The following CD163 variants were observed in gnomAD, a reference collection of about 807,000 sequenced individuals.
CD163 encodes scavenger receptor cysteine-rich type 1 protein M130.
CD163 carries 64 observed loss-of-function variants against 129.2 expected under a neutral mutation model. The observed-to-expected ratio is 0.50, with a 90% CI of 0.41 to 0.61. The LOEUF is 0.61. Ranked by LOEUF, CD163 falls within the 20% of genes least tolerant of loss-of-function variation. The pLI, the probability that CD163 is intolerant of heterozygous loss-of-function variation, is 0.00. For missense variants in CD163, 1,061 were observed against 1,377.9 expected (o/e 0.77, Z 3.64); for synonymous variants, 446 against 478.5 (o/e 0.93, Z 0.89).
At chr12:7,483,841 A>ATATATTTTTTTT (rs1442991429) in intron 11 of CD163, 166 bp from the exon 12 acceptor site, 2 of 110,030 alleles carry the variant, frequency 1.8e-5, no homozygotes, top group African/African-American at 7.6e-5. Flanking sequence ...ATATATATAT[A>ATATATTTTTTTT]TTTTTTTTTT....
At position 7,501,318 on chromosome 12, in the gene CD163, C is replaced by T; in HGVS notation, c.278G>A (p.Gly93Glu). ...AGGGGCTTTGATAGCAGTTGGACAT[C>T]CCAGCTGGTTACAAATCACAGAGAC... The part of the protein sequence containing the change: ...EAVSVICNQL[G>E]CPTAIKAPGW... Residue 93 changes from glycine to glutamate, a missense_variant, in exon 3 of 17, where the codon GGA becomes GAA. Physicochemically the swap from Gly to Glu is moderately conservative, Grantham distance 98. Coordinates refer to ENST00000432237, the MANE Select transcript of CD163 (RefSeq NM_203416.4). 1 of 1,614,154 alleles carries T rather than the reference C, an allele frequency of 6.2e-7. No individual in the cohort carries two copies. Among genetic ancestry groups the T allele is most frequent in the South Asian group, 1.1e-5 (1 of 91,086 alleles).
intron 2 of CD163, among the ~76,000 whole-genome samples, chr12:7,501,912 T>C (rs1190375469): frequency 6.6e-6 from 1 of 152,240 alleles, no homozygotes; most frequent in Non-Finnish European, 1.5e-5. Context: ...TTCATACGTA[T>C]ATGTAAAATA....
At chr12:7,476,942 C>G (rs1949096565) in intron 16 of CD163, among the ~76,000 whole-genome samples, 1 of 152,166 alleles carries the variant, frequency 6.6e-6, no homozygotes, top group Non-Finnish European at 1.5e-5. Flanking sequence ...TGAACAGACA[C>G]TTCTCAAAAG....
In CD163 at chr12:7,487,306, C is replaced by T; in HGVS notation, c.2050+53G>A. On this transcript the variant is annotated intron_variant, in intron 8 of 16. Coordinates refer to ENST00000432237, the MANE Select transcript of CD163 (RefSeq NM_203416.4). The surrounding 1 kb of genome is among the most constrained non-coding windows in gnomAD (Gnocchi z 5.1). ...CTGCGTTTTACTTTTGTTCTTCATC[C>T]CTATGTACACCTTCTCTTAAGACCC... 2 of 1,509,870 alleles carry T rather than the reference C, an allele frequency of 1.3e-6. No individual in the cohort carries two copies. The highest frequency in any genetic ancestry group is 4.5e-5 in the East Asian group (2 of 43,972). The allele number at this position is 1,509,870 out of a possible 1,614,324, so 93.5% of individuals were successfully genotyped here.
chr12:7,473,040 GAACA>G (rs1346169015), intron 16 of CD163: 1 of 152,124 alleles, frequency 6.6e-6, no homozygotes, highest in Non-Finnish European at 1.5e-5. Flanking sequence ...GAATGAAAAG[GAACA>G]AACAAAGCCT....
At chr12:7,493,909 T>C (rs1468830622) in intron 6 of CD163, among the ~76,000 whole-genome samples, 2 of 152,126 alleles carry the variant, frequency 1.3e-5, no homozygotes, top group Non-Finnish European at 2.9e-5. Context: ...AATAAATGAA[T>C]ACACACGGTA....
At chr12:7,497,588 A>T (rs1318622134) in intron 4 of CD163, among the ~76,000 whole-genome samples, 1 of 152,172 alleles carries the variant, frequency 6.6e-6, no homozygotes, top group Non-Finnish European at 1.5e-5. Flanking sequence ...TGTTGTGACC[A>T]CTTCCTTAGT....
rs754176183 is a variant in CD163 at position 7,496,772 on chromosome 12, T to C, written c.1099+41A>G. The C allele has an allele frequency of 6.3e-7, 1 of 1,580,706 alleles. No homozygotes were observed. Among genetic ancestry groups the C allele is most frequent in the African/African-American group, 1.3e-5 (1 of 74,242 alleles). On this transcript the variant is annotated intron_variant, in intron 5 of 16. Coordinates refer to ENST00000432237, the MANE Select transcript of CD163 (RefSeq NM_203416.4). The surrounding 1 kb of genome is among the most constrained non-coding windows in gnomAD (Gnocchi z 4.8). Reference sequence around the variant, plus strand: ...ACAGGACTTTCCGTTTCTGCTTTTCTTTTTGTTTAGTGTTTTGGTTTTGGT... The same window carrying C: ...ACAGGACTTTCCGTTTCTGCTTTTCCTTTTGTTTAGTGTTTTGGTTTTGGT...
Position 7,487,962 on chromosome 12 carries a change from A to G in CD163, c.1546T>C (p.Cys516Arg), listed in dbSNP as rs1262842078. The G allele has an allele frequency of 6.2e-7, 1 of 1,614,190 alleles. No individual in the cohort carries two copies. ...ACTGTGCCACACTGTAATTCCCTGC[A>G]TAGAACGCTGGCAGCTTCCAGAGAG... ...DFSLEAASVL[C>R]RELQCGTVVS... The change falls in exon 7 of 17, where the codon TGC becomes CGC. Residue 516 changes from cysteine (C) to arginine (R), a missense_variant. Coordinates refer to ENST00000432237, the MANE Select transcript of CD163 (RefSeq NM_203416.4). This position sits in a 1 kb window ranked among gnomAD's most constrained non-coding sequence, Gnocchi z 5.1.
At chr12:7,492,472 G>C (rs1311939006) in intron 6 of CD163, among the ~76,000 whole-genome samples, 1 of 152,030 alleles carries the variant, frequency 6.6e-6, no homozygotes, top group Non-Finnish European at 1.5e-5. Flanking sequence ...AAAAACCTAA[G>C]GAGTCTTACA....
rs1949412914 is a variant in CD163 at position 7,497,090 on chromosome 12, T to C, written c.822A>G (p.Glu274=). The C allele has an allele frequency of 2.5e-6, 4 of 1,613,968 alleles. No individual in the cohort carries two copies. Among genetic ancestry groups the C allele is most frequent in the East Asian group, 2.2e-5 (1 of 44,894 alleles). ...LSLRLVDGVT[E]CSGRLEVRFQ... ...ATCTCACTTCTAATCTTCCTGAACA[T>C]TCAGTGACTCCATCTACCAGTCTCA... Residue 274 remains glutamate, a synonymous_variant, in exon 5 of 17, where the codon GAA becomes GAG. Transcript: ENST00000432237.
At chr12:7,483,841 A>ATATTTT (rs1442991429) in intron 11 of CD163, 166 bp from the exon 12 acceptor site, 1 of 110,030 alleles carries the variant, frequency 9.1e-6, no homozygotes, top group African/African-American at 3.8e-5. Flanking sequence ...ATATATATAT[A>ATATTTT]TTTTTTTTTT....
chr12:7,495,499 G>T, intron 5 of CD163, 98 bp from the exon 6 acceptor site: 1 of 974,914 alleles, frequency 1.0e-6, no homozygotes, highest in Non-Finnish European at 1.5e-6. Context: ...CTGATGCATT[G>T]AAAATTATAG....
chr12:7,495,312 C>G lies in CD163; in HGVS notation c.1189G>C (p.Val397Leu). Residue 397 changes from valine (V) to leucine (L), a missense_variant, in exon 6 of 17, where the codon GTG (valine) becomes CTG (leucine). Physicochemically the swap from Val to Leu is conservative, Grantham distance 32. Coordinates refer to ENST00000432237, the MANE Select transcript of CD163 (RefSeq NM_203416.4). ...TTCAGTCCCCAGCCTCTGTCACACACCTTCCCTAACAGTCTCTGAATCTCC... is the reference window on the plus strand; with the variant it reads ...TTCAGTCCCCAGCCTCTGTCACACAGCTTCCCTAACAGTCTCTGAATCTCC... ...EVEIQRLLGK[V>L]CDRGWGLKEA... 6.2e-7 allele frequency: 1 copy of G among 1,614,182 alleles called. No individual in the cohort carries two copies. The highest frequency in any genetic ancestry group is 8.5e-7 in the Non-Finnish European group (1 of 1,180,028).
At chr12:7,497,297 G>GT (rs2136734799) in intron 4 of CD163, among the ~76,000 whole-genome samples, 164 bp from the exon 5 acceptor site, 1 of 152,118 alleles carries the variant, frequency 6.6e-6, no homozygotes, top group South Asian at 2.1e-4. Context: ...GATGGAAGGA[G>GT]GAGTGGATCA....
chr12:7,491,960 A>G (rs1949331794), intron 6 of CD163, among the ~76,000 whole-genome samples: 2 of 152,130 alleles, frequency 1.3e-5, no homozygotes, highest in African/African-American at 2.4e-5. Flanking sequence ...GGTTCTTTTA[A>G]GCTGTATAGC....
At chr12:7,483,167 T>C (rs1374383450) in intron 12 of CD163, 163 bp from the exon 13 acceptor site, 3 of 809,894 alleles carry the variant, frequency 3.7e-6, no homozygotes, top group Non-Finnish European at 5.9e-6. Context: ...ACAGGGAATA[T>C]AGGTTGTATG....
intron 6 of CD163, among the ~76,000 whole-genome samples, chr12:7,493,915 C>T (rs748602661): frequency 6.8e-4 from 104 of 152,048 alleles, no homozygotes; most frequent in African/African-American, 2.2e-3. Flanking sequence ...TGAATACACA[C>T]GGTAATAAAT....
Position 7,485,484 on chromosome 12 carries a change from C to A in CD163, c.2459-68G>T. 1 of 1,279,462 alleles carries A rather than the reference C, an allele frequency of 7.8e-7. No homozygotes were observed. The highest frequency in any genetic ancestry group is 1.1e-6 in the Non-Finnish European group (1 of 909,082). The allele number at this position is 1,279,462 out of a possible 1,614,324, so 79.3% of individuals were successfully genotyped here. On this transcript the variant is annotated intron_variant, in intron 10 of 16. Transcript: ENST00000432237. This position sits in a 1 kb window ranked among gnomAD's most constrained non-coding sequence, Gnocchi z 4.5. Reference sequence around the variant, plus strand: ...AGATTCAGAGACTCCTTCCCTTTACCTTGATGTAAGAATGGCTTTAAAAAT... The same window carrying A: ...AGATTCAGAGACTCCTTCCCTTTACATTGATGTAAGAATGGCTTTAAAAAT...
Sources: allele counts gnomAD v4.1 joint callset (sites outside exome capture counted in the v4.1 genomes callset), GRCh38; gene constraint gnomAD v4.1.1; non-coding constraint Gnocchi (gnomAD v3.1); transcripts MANE v1.5; gene names NCBI Gene and HGNC (gene_info 2026-07-23, HGNC 2026-07-21).